PCDHGB6: variants seen among roughly 807,000 people sequenced by gnomAD.
PCDHGB6 encodes protocadherin gamma subfamily B, 6, also known as protocadherin gamma-B6.
Under a neutral mutation model 59.1 loss-of-function variants are expected in PCDHGB6, and 51 were observed. That is an observed-to-expected ratio of 0.86 (90% CI 0.69 to 1.09). PCDHGB6 has a LOEUF of 1.09. Ranked by LOEUF, PCDHGB6 falls within the 50% of genes least tolerant of loss-of-function variation. The pLI is 0.00. For missense variants in PCDHGB6, 1,148 were observed against 1,205.1 expected, an observed-to-expected ratio of 0.95 and a Z score of 0.70; for synonymous variants, 466 against 495.1, an observed-to-expected ratio of 0.94 and a Z score of 0.78.
chr5:141,491,826 C>G lies in PCDHGB6; in HGVS notation c.2419-2981C>G. ...GGCTTGGTCGCTGGCTGCGCTCCAC[C>G]CGATTCTCGGGATCATTGGACCGTT... On this transcript the variant is annotated intron_variant, in intron 1 of 3. Coordinates refer to ENST00000520790, the MANE Select transcript of PCDHGB6 (RefSeq NM_018926.3). The surrounding 1 kb of genome is among the most constrained non-coding windows in gnomAD (Gnocchi z 6.9). 1 of 1,477,526 alleles carries G rather than the reference C, an allele frequency of 6.8e-7. No individual in the cohort carries two copies. The highest frequency in any genetic ancestry group is 9.0e-7 in the Non-Finnish European group (1 of 1,114,486). 91.5% of individuals were successfully genotyped at this position (1,477,526 alleles called of 1,614,324 possible). A position where few individuals can be genotyped will look rare whatever the true frequency, so the allele number is the denominator to read the frequency against.
chr5:141,504,541 C>G (rs1050153403), intron 2 of PCDHGB6, among the ~76,000 whole-genome samples: 2 of 151,728 alleles, frequency 1.3e-5, no homozygotes, highest in Non-Finnish European at 2.9e-5. Context: ...GTCATCATGG[C>G]AAATGTTGGG....
At chr5:141,463,981 A>G (rs1441851777) in intron 1 of PCDHGB6, among the ~76,000 whole-genome samples, 1 of 152,150 alleles carries the variant, frequency 6.6e-6, no homozygotes, top group Non-Finnish European at 1.5e-5. Context: ...ACTCCATTGT[A>G]AAAACCAGGT....
chr5:141,413,850 C>G (rs2095685833), intron 1 of PCDHGB6: 3 of 1,613,244 alleles, frequency 1.9e-6, no homozygotes, highest in East Asian at 2.2e-5. Context: ...GTGACCCTCT[C>G]CGATCTGGCA....
chr5:141,428,121 G>A (rs764584436), intron 1 of PCDHGB6: 2 of 1,605,742 alleles, frequency 1.2e-6, no homozygotes, highest in Admixed American at 1.7e-5. Flanking sequence ...CATCGAGCCC[G>A]GGCTTTTCAG....
rs369832481 is a variant in PCDHGB6, at chr5:141,410,090, C to A, written c.1888C>A (p.Arg630=). 3.2e-5 allele frequency: 51 copies of A among 1,612,358 alleles called. No individual in the cohort carries two copies. Among genetic ancestry groups the A allele is most frequent in the Middle Eastern group, 1.7e-4 (1 of 5,794 alleles). ...GLRTGEVRTA[R]ALGDRDAARQ... ...GCGCACTGGGGAGGTGCGCACGGCT[C>A]GAGCCTTAGGCGACAGGGACGCAGC... is the stretch of plus-strand genomic sequence containing the variant. Residue 630 remains arginine (R), a synonymous_variant, in exon 1 of 4, where the codon CGA becomes AGA. Coordinates refer to ENST00000520790, the MANE Select transcript of PCDHGB6 (RefSeq NM_018926.3).
At position 141,408,110 on chromosome 5, in the gene PCDHGB6, T is replaced by G; in HGVS notation, c.-93T>G. The G allele has an allele frequency of 2.8e-6, 4 of 1,445,204 alleles. No individual in the cohort carries two copies. The highest frequency in any genetic ancestry group is 2.7e-6 in the Non-Finnish European group (3 of 1,095,434). The allele number at this position is 1,445,204 out of a possible 1,614,324, so 89.5% of individuals were successfully genotyped here. A position where few individuals can be genotyped will look rare whatever the true frequency, so the allele number is the denominator to read the frequency against. ...GATTGCCAGCTCCGAGACCCGGGAC[T>G]CCTCCTGTCCTGGGCCGAATGCTCT... On this transcript the variant is annotated 5_prime_UTR_variant, in exon 1 of 4. Coordinates refer to ENST00000520790, the MANE Select transcript of PCDHGB6 (RefSeq NM_018926.3).
At chr5:141,478,488 G>A in intron 1 of PCDHGB6, 1 of 1,613,320 alleles carries the variant, frequency 6.2e-7, no homozygotes, top group Non-Finnish European at 8.5e-7. Context: ...ACGCTGCGGA[G>A]CTGTGATCCG....
At chr5:141,427,880 C>G in intron 1 of PCDHGB6, 5 of 1,563,170 alleles carry the variant, frequency 3.2e-6, no homozygotes, top group Non-Finnish European at 3.5e-6. Context: ...CGATGCAGGC[C>G]CACGACCAGG....
In PCDHGB6 at chr5:141,430,720, T is replaced by C. The variant is rs369549088; in HGVS notation, c.2418+20100T>C. On this transcript the variant is annotated intron_variant, in intron 1 of 3. Transcript: ENST00000520790. ...AAGGAACTGCTCCTGACTTCAGTGG[T>C]TAAGGGCAGAATTGAAAATAATTCT... The C allele has an allele frequency of 4.9e-4, 734 of 1,486,386 alleles. 1 individual carries two copies. Among genetic ancestry groups the C allele is most frequent in the Middle Eastern group, 9.1e-4 (5 of 5,506 alleles). The allele number at this position is 1,486,386 out of a possible 1,614,324, so 92.1% of individuals were successfully genotyped here.
chr5:141,418,224 T>C (rs756997971), intron 1 of PCDHGB6: 1 of 1,613,998 alleles, frequency 6.2e-7, no homozygotes, highest in Non-Finnish European at 8.5e-7. Flanking sequence ...GTCATTGTGG[T>C]GATTGAGGAT....
chr5:141,464,970 G>A (rs550643230), intron 1 of PCDHGB6, among the ~76,000 whole-genome samples: 1 of 152,028 alleles, frequency 6.6e-6, no homozygotes, highest in East Asian at 1.9e-4. Flanking sequence ...TTGAACTACT[G>A]GCTTCAAGTG....
chr5:141,421,569 C>T (rs1029858235), intron 1 of PCDHGB6: 2 of 1,613,884 alleles, frequency 1.2e-6, no homozygotes, highest in Non-Finnish European at 1.7e-6. Flanking sequence ...TGGAAGACAC[C>T]TTGAAGATTT....
intron 1 of PCDHGB6, among the ~76,000 whole-genome samples, chr5:141,447,779 A>T (rs770299374): frequency 2.0e-5 from 3 of 152,210 alleles, no homozygotes; most frequent in Non-Finnish European, 4.4e-5. Flanking sequence ...ACTTTAATTG[A>T]AAATAAATTT....
Position 141,481,023 on chromosome 5 carries a change from A to G in PCDHGB6, c.2419-13784A>G, listed in dbSNP as rs546827260. On this transcript the variant is annotated intron_variant, in intron 1 of 3. Transcript: ENST00000520790. ...CAGTGAGCCCAGATCACACCACTGC[A>G]CTCCAGCCTGGGCGACAGAGCGAGA... Among the ~76,000 whole-genome samples the G allele has an allele frequency of 9.0e-4, 137 of 152,218 alleles. 1 individual carries two copies. The highest frequency in any genetic ancestry group is 3.2e-3 in the African/African-American group (132 of 41,516).
intron 1 of PCDHGB6, among the ~76,000 whole-genome samples, chr5:141,439,495 C>A (rs142329128): frequency 6.6e-6 from 1 of 152,206 alleles, no homozygotes; most frequent in Non-Finnish European, 1.5e-5. Context: ...CAGTGAGAAA[C>A]GTCTTTCTCT....
In PCDHGB6 at chr5:141,410,849, CTTTTTTT is replaced by C. The variant is rs759346998; in HGVS notation, c.2418+245_2418+251del. 8.7e-3 allele frequency: 1,205 copies of C among 138,184 alleles called. 49 individuals are homozygous for C. Among genetic ancestry groups the C allele is most frequent in the African/African-American group, 0.064 (1,073 of 16,650 alleles). 8.6% of individuals were successfully genotyped at this position (138,184 alleles called of 1,614,324 possible). ...CAGACTGAAGATATTTTGTCTTTGT[CTTTTTTT>C]TTTTTTTTTTTTTTTGAGATGGAGT... is the stretch of plus-strand genomic sequence containing the variant. On this transcript the variant is annotated intron_variant, in intron 1 of 3. Coordinates refer to ENST00000520790, the MANE Select transcript of PCDHGB6 (RefSeq NM_018926.3).
chr5:141,446,130 CTT>C (rs1191897284), intron 1 of PCDHGB6, among the ~76,000 whole-genome samples: 2 of 152,076 alleles, frequency 1.3e-5, no homozygotes, highest in African/African-American at 4.8e-5. Context: ...TTCAATAAGA[CTT>C]AATAATGGAA....
chr5:141,408,465 A>C lies in PCDHGB6; in HGVS notation c.263A>C (p.Asn88Thr). Residue 88 changes from asparagine (N) to threonine (T), a missense_variant, in exon 1 of 4, where the codon AAC becomes ACC. Asn to Thr is a moderately conservative substitution (Grantham distance 65). Around this residue, in one of 5 missense-constraint regions of PCDHGB6, gnomAD observed 307 missense variants for 323.8 expected, o/e 0.95. Coordinates refer to ENST00000520790, the MANE Select transcript of PCDHGB6 (RefSeq NM_018926.3). Reference sequence around the variant, plus strand: ...GAGAGCGGGGACTTACTTGTGAAGAACCGAATAGACCGTGAGCAAATATGC... The same window carrying C: ...GAGAGCGGGGACTTACTTGTGAAGACCCGAATAGACCGTGAGCAAATATGC... ...DAESGDLLVKNRIDREQICKE... is the reference protein window; with the variant it reads ...DAESGDLLVKTRIDREQICKE... The C allele has an allele frequency of 6.2e-7, 1 of 1,613,960 alleles. No individual in the cohort carries two copies.
At position 141,489,635 on chromosome 5, in the gene PCDHGB6, G is replaced by A. The variant is rs1380466520; in HGVS notation, c.2419-5172G>A. On this transcript the variant is annotated intron_variant, in intron 1 of 3. Coordinates refer to ENST00000520790, the MANE Select transcript of PCDHGB6 (RefSeq NM_018926.3). The surrounding 1 kb of genome is among the most constrained non-coding windows in gnomAD (Gnocchi z 4.5). Reference sequence around the variant, plus strand: ...CTGGATCTCAATGACAACTCTCCTAGCTTTGCCACCCCTGAGCGAGAGATG... The same window carrying A: ...CTGGATCTCAATGACAACTCTCCTAACTTTGCCACCCCTGAGCGAGAGATG... 6.2e-7 allele frequency: 1 copy of A among 1,614,142 alleles called. No individual in the cohort carries two copies. The highest frequency in any genetic ancestry group is 8.5e-7 in the Non-Finnish European group (1 of 1,180,012).
Sources: gnomAD v4.1 joint callset for allele counts (sites outside exome capture counted in the v4.1 genomes callset) on GRCh38, gnomAD v4.1.1 for gene constraint, gnomAD v4.1.1 regional missense constraint, Gnocchi (gnomAD v3.1) non-coding constraint, MANE v1.5 for transcripts, NCBI Gene and HGNC (gene_info 2026-07-23, HGNC 2026-07-21) for gene names.